Variants in PIK3C2B observed in about 807,000 individuals in gnomAD.
The protein encoded by PIK3C2B is phosphatidylinositol-4-phosphate 3-kinase catalytic subunit type 2 beta.
Under a neutral mutation model 184.3 loss-of-function variants are expected in PIK3C2B, and 83 were observed. The ratio of observed to expected loss-of-function variants is 0.45; its 90% CI spans 0.38 to 0.54. The LOEUF (loss-of-function observed/expected upper bound fraction) is 0.54. Ranked by LOEUF, PIK3C2B falls within the 20% of genes least tolerant of loss-of-function variation. The probability of loss-of-function intolerance (pLI) is 0.00; values close to 1 mark genes in which losing one functional copy is unlikely to be tolerated. For synonymous variants in PIK3C2B, 779 were observed against 837.6 expected (o/e 0.93, Z 1.21); for missense variants, 1,736 against 2,113.5 (o/e 0.82, Z 3.50).
At position 204,444,953 on chromosome 1, in the gene PIK3C2B, T is replaced by C. The variant is rs1286427815; in HGVS notation, c.2679-529A>G. Among the ~76,000 whole-genome samples, 4 of 152,184 alleles carry C rather than the reference T, an allele frequency of 2.6e-5. No individual in the cohort carries two copies. In the East Asian group the frequency reaches 7.7e-4, roughly 29 times the overall value. On this transcript the variant is annotated intron_variant, in intron 16 of 32. Coordinates refer to ENST00000684373, the MANE Select transcript of PIK3C2B (RefSeq NM_001377334.1). ...AAGGCAGGTCACATGGATAGGTACA[T>C]TTTGATTACTGAGAGTGGCGAGAAA...
At chr1:204,445,919 G>A (rs766815351) in intron 16 of PIK3C2B, 37 bp downstream of exon 16, 3 of 1,417,478 alleles carry the variant, frequency 2.1e-6, no homozygotes, top group Middle Eastern at 1.9e-4. Context: ...GCTTCTACAA[G>A]AACACATAGT....
intron 29 of PIK3C2B, among the ~76,000 whole-genome samples, chr1:204,429,455 A>T (rs545722706): frequency 6.6e-6 from 1 of 152,290 alleles, no homozygotes; most frequent in East Asian, 1.9e-4. Flanking sequence ...AAAACTGTAA[A>T]AATCATGCTT....
chr1:204,447,167 G>C lies in PIK3C2B; in HGVS notation c.2489+269C>G, dbSNP rs866976571. Among the ~76,000 whole-genome samples the C allele has an allele frequency of 6.6e-6, 1 of 152,158 alleles. No individual in the cohort carries two copies. The highest frequency in any genetic ancestry group is 6.5e-5 in the Admixed American group (1 of 15,282). On this transcript the variant is annotated intron_variant, in intron 15 of 32. Coordinates refer to ENST00000684373, the MANE Select transcript of PIK3C2B (RefSeq NM_001377334.1). This position sits in a 1 kb window ranked among gnomAD's most constrained non-coding sequence, Gnocchi z 4.1. ...TAGTAGATAGCACATCTGGGATGTG[G>C]GGCAGAGCTCTGGTCCTCCTGGGTA...
chr1:204,425,106 C>T (rs146186707), intron 32 of PIK3C2B, 66 bp from the exon 33 acceptor site: 26 of 1,353,040 alleles, frequency 1.9e-5, no homozygotes, highest in Middle Eastern at 2.0e-4. Flanking sequence ...AGAGGGAACC[C>T]GAGAGGGAGA....
At chr1:204,464,835 T>G (rs895392888) in intron 3 of PIK3C2B, among the ~76,000 whole-genome samples, 1 of 152,192 alleles carries the variant, frequency 6.6e-6, no homozygotes, top group Admixed American at 6.5e-5. Flanking sequence ...ACAGTACAAA[T>G]AGTTCTAAAA....
rs1441670432 is a variant in PIK3C2B, at chr1:204,425,058, G to C, written c.4717-18C>G. On this transcript the variant is annotated intron_variant, in intron 32 of 32. Transcript: ENST00000684373. Reference sequence around the variant, plus strand: ...TATACCAACTGCAAACATAGAGATGGGTGAGGGAAGTGGTGAGAGAAGGAA... The same window carrying C: ...TATACCAACTGCAAACATAGAGATGCGTGAGGGAAGTGGTGAGAGAAGGAA... The C allele has an allele frequency of 6.2e-7, 1 of 1,603,736 alleles. No individual in the cohort carries two copies.
chr1:204,464,309 T>C (rs973582510), intron 4 of PIK3C2B, 141 bp downstream of exon 4: 28 of 1,063,856 alleles, frequency 2.6e-5, no homozygotes, highest in African/African-American at 2.5e-4. Flanking sequence ...GCTGGCCCCA[T>C]AGCCAGCCCC....
chr1:204,465,903 G>A (rs556666540), intron 2 of PIK3C2B, among the ~76,000 whole-genome samples: 32 of 152,370 alleles, frequency 2.1e-4, no homozygotes, highest in African/African-American at 6.5e-4. Context: ...CGTCAAAGCA[G>A]TGGTCTGGGC....
chr1:204,457,808 C>T lies in PIK3C2B; in HGVS notation c.1633G>A (p.Ala545Thr), dbSNP rs1005409129. The T allele has an allele frequency of 9.3e-6, 15 of 1,612,678 alleles. No homozygotes were observed. Among genetic ancestry groups the T allele is most frequent in the South Asian group, 4.4e-5 (4 of 90,762 alleles). The change falls in exon 9 of 33, where the codon GCC becomes ACC. Residue 545 changes from alanine (A) to threonine (T), a missense_variant. By Grantham distance (58) the Ala-to-Thr change is moderately conservative. Coordinates refer to ENST00000684373, the MANE Select transcript of PIK3C2B (RefSeq NM_001377334.1). Reference sequence around the variant, plus strand: ...CTGGTGATCTCAGGGGTTTCCACGGCGGCCAGGGCGTTGCAGATGGCCTTG... The same window carrying T: ...CTGGTGATCTCAGGGGTTTCCACGGTGGCCAGGGCGTTGCAGATGGCCTTG... ...SVKAICNALA[A>T]VETPEITSAL... is the part of the protein sequence containing the mutation.
chr1:204,460,761 T>C, intron 5 of PIK3C2B, 100 bp from the exon 6 acceptor site: 1 of 769,172 alleles, frequency 1.3e-6, no homozygotes, highest in Non-Finnish European at 2.3e-6. Flanking sequence ...AAAGAAGGTT[T>C]AGGTAAGGGG....
Position 204,449,900 on chromosome 1 carries a change from C to A in PIK3C2B, c.2184G>T (p.Arg728=), listed in dbSNP as rs752926131. The A allele has an allele frequency of 6.2e-7, 1 of 1,613,896 alleles. No individual in the cohort carries two copies. The highest frequency in any genetic ancestry group is 8.5e-7 in the Non-Finnish European group (1 of 1,179,908). Residue 728 remains arginine, a synonymous_variant, in exon 13 of 33, where the codon CGG becomes CGT. Coordinates refer to ENST00000684373, the MANE Select transcript of PIK3C2B (RefSeq NM_001377334.1). Reference sequence around the variant, plus strand: ...TGACCCAGCCCAGGGCTTCAGGCACCCGCCGCTGCTTATTGGCCTCTGAGG... The same window carrying A: ...TGACCCAGCCCAGGGCTTCAGGCACACGCCGCTGCTTATTGGCCTCTGAGG... The part of the protein sequence containing the change: ...GSSSEANKQR[R]VPEALGWVTT...
At chr1:204,481,799 G>T (rs1254234247) in intron 1 of PIK3C2B, among the ~76,000 whole-genome samples, 2 of 152,184 alleles carry the variant, frequency 1.3e-5, no homozygotes, top group African/African-American at 4.8e-5. Flanking sequence ...GGCCCCCCAG[G>T]GTGGCCGGTC....
chr1:204,440,365 C>T (rs904410359), intron 21 of PIK3C2B, 44 bp from the exon 22 acceptor site: 2 of 1,525,574 alleles, frequency 1.3e-6, no homozygotes, highest in African/African-American at 1.4e-5. Context: ...TCCACTACCT[C>T]CCCAGCTCTC....
At chr1:204,430,950 G>A (rs895003843) in intron 28 of PIK3C2B, among the ~76,000 whole-genome samples, 4 of 152,160 alleles carry the variant, frequency 2.6e-5, no homozygotes, top group East Asian at 1.9e-4. Flanking sequence ...CACTGCGCCC[G>A]GCCTGAAAAG....
In PIK3C2B at chr1:204,463,967, C is replaced by T. The variant is rs778155726; in HGVS notation, c.1310+45G>A. 5 of 1,602,626 alleles carry T rather than the reference C, an allele frequency of 3.1e-6. No homozygotes were observed. The Admixed American group carries it at 6.7e-5, about 22-fold the overall frequency. ...CAATCCCATGAAGCCCCCTCACAAT[C>T]TTACTACCAGGAAGGCAGGGGCTAC... On this transcript the variant is annotated intron_variant, in intron 5 of 32. Coordinates refer to ENST00000684373, the MANE Select transcript of PIK3C2B (RefSeq NM_001377334.1).
rs893074689 is a variant in PIK3C2B at position 204,454,455 on chromosome 1, T to C, written c.2066+214A>G. The C allele has an allele frequency of 8.9e-6, 4 of 447,178 alleles. No homozygotes were observed. The Admixed American group carries it at 1.1e-4, about 13-fold the overall frequency. 27.7% of individuals were successfully genotyped at this position (447,178 alleles called of 1,614,324 possible). ...CGAGATCGCACCACTGCACTCCAGCTTGGGCAACAAAGCGAGGCTGCCTCT... is the reference window on the plus strand; with the variant it reads ...CGAGATCGCACCACTGCACTCCAGCCTGGGCAACAAAGCGAGGCTGCCTCT... On this transcript the variant is annotated intron_variant, in intron 12 of 32. Transcript: ENST00000684373.
chr1:204,481,984 G>A (rs1247467165), intron 1 of PIK3C2B, among the ~76,000 whole-genome samples: 1 of 152,148 alleles, frequency 6.6e-6, no homozygotes, highest in East Asian at 1.9e-4. Flanking sequence ...AGAGGTCAAG[G>A]TGTTAGTCCC....
Position 204,464,063 on chromosome 1 carries a change from T to G in PIK3C2B, c.1259A>C (p.Asp420Ala). ...CYTHDDLRNVDVGDFVLKPCG... is the reference protein window; with the variant it reads ...CYTHDDLRNVAVGDFVLKPCG... ...GGGCTTTAGCACAAAGTCACCCACG[T>G]CCACATTCCTCAGGTCATCATGGGT... Residue 420 changes from aspartate to alanine, a missense_variant, in exon 5 of 33, where the codon GAC becomes GCC. Physicochemically the swap from Asp to Ala is moderately radical, Grantham distance 126. This residue lies in a region of PIK3C2B where 609 missense variants were observed against 699.2 expected (regional missense o/e 0.87). Coordinates refer to ENST00000684373, the MANE Select transcript of PIK3C2B (RefSeq NM_001377334.1). 6.2e-7 allele frequency: 1 copy of G among 1,614,148 alleles called. No homozygotes were observed. The highest frequency in any genetic ancestry group is 1.1e-5 in the South Asian group (1 of 91,086).
At chr1:204,492,906 C>G (rs1380200686) in intron 1 of PIK3C2B, among the ~76,000 whole-genome samples, 2 of 152,190 alleles carry the variant, frequency 1.3e-5, no homozygotes, top group African/African-American at 4.8e-5. Flanking sequence ...GTCTAGGGCT[C>G]CAGCTCAGAG....
Sources: gnomAD v4.1 joint callset for allele counts (sites outside exome capture counted in the v4.1 genomes callset) on GRCh38, gnomAD v4.1.1 for gene constraint, gnomAD v4.1.1 regional missense constraint, Gnocchi (gnomAD v3.1) non-coding constraint, MANE v1.5 for transcripts, NCBI Gene and HGNC (gene_info 2026-07-23, HGNC 2026-07-21) for gene names.